The following PTPN21 variants were observed in gnomAD, a reference collection of about 807,000 sequenced individuals.
The protein encoded by PTPN21 is protein tyrosine phosphatase non-receptor type 21, also known as tyrosine-protein phosphatase non-receptor type 21.
Under a neutral mutation model 131.8 loss-of-function variants are expected in PTPN21, and 77 were observed. That is an observed-to-expected ratio of 0.58 (90% confidence interval 0.49 to 0.71). The LOEUF (loss-of-function observed/expected upper bound fraction) is 0.71. Ranked by LOEUF, PTPN21 falls within the 30% of genes least tolerant of loss-of-function variation. The pLI is 0.00. For synonymous variants in PTPN21, 715 were observed against 621.3 expected (o/e 1.15, Z -2.24); for missense variants, 1,552 against 1,527.1 (o/e 1.02, Z -0.27).
At chr14:88,486,805 A>G (rs952656368) in intron 10 of PTPN21, among the ~76,000 whole-genome samples, 2 of 151,954 alleles carry the variant, frequency 1.3e-5, no homozygotes, top group Admixed American at 6.6e-5. Flanking sequence ...GTGAAACCTC[A>G]TCTCTACTGA....
In PTPN21 at chr14:88,525,448, C is replaced by CACATGAAAAGATGCTT. The variant is rs1295804464; in HGVS notation, c.181-8203_181-8188dup. Reference sequence around the variant, plus strand: ...AAAAAAGATATGAATGGCTAACAAGCACATGAAAAGATGCTTAACATTGTT... The same window carrying CACATGAAAAGATGCTT: ...AAAAAAGATATGAATGGCTAACAAGCACATGAAAAGATGCTTACATGAAAAGATGCTTAACATTGTT... On this transcript the variant is annotated intron_variant, in intron 2 of 18. Transcript: ENST00000556564. Among the ~76,000 whole-genome samples, 5 of 152,182 alleles carry CACATGAAAAGATGCTT rather than the reference C, an allele frequency of 3.3e-5. No homozygotes were observed. In the East Asian group the frequency reaches 9.7e-4, roughly 29 times the overall value.
intron 14 of PTPN21, among the ~76,000 whole-genome samples, chr14:88,473,195 C>T (rs1379797071): frequency 1.3e-5 from 2 of 152,024 alleles, no homozygotes; most frequent in Non-Finnish European, 2.9e-5. Context: ...TCCAGGATCC[C>T]GTTGTAAAGC....
At chr14:88,483,820 G>A (rs1414577242) in intron 12 of PTPN21, among the ~76,000 whole-genome samples, 2 of 152,134 alleles carry the variant, frequency 1.3e-5, no homozygotes, top group Non-Finnish European at 2.9e-5. Flanking sequence ...TGCACATGCT[G>A]TCTCAGAAAA....
intron 18 of PTPN21, 130 bp from the exon 19 acceptor site, chr14:88,468,395 T>C (rs751042958): frequency 2.8e-5 from 25 of 889,150 alleles, no homozygotes; most frequent in Non-Finnish European, 3.6e-5. Context: ...TAGCGTCTTC[T>C]AGAAATAAGC....
intron 2 of PTPN21, among the ~76,000 whole-genome samples, chr14:88,538,154 T>C (rs1409608305): frequency 2.6e-5 from 4 of 152,216 alleles, no homozygotes; most frequent in Non-Finnish European, 1.5e-5. Context: ...AAAGGTTGTT[T>C]AGTTTACGAC....
chr14:88,503,738 TA>T (rs138178068), intron 6 of PTPN21: 54,891 of 151,980 alleles, frequency 0.36, 10,809 homozygotes, highest in African/African-American at 0.53. Flanking sequence ...CATCTCGACT[TA>T]AAGAGTATTT....
intron 6 of PTPN21, 30 bp from the exon 7 acceptor site, chr14:88,501,398 C>T (rs2078005450): frequency 6.4e-7 from 1 of 1,564,924 alleles, no homozygotes; most frequent in Admixed American, 1.7e-5. Context: ...AGATTGTTCA[C>T]AAAGCAAGCT....
chr14:88,482,635 AAAG>A (rs1165254053), intron 12 of PTPN21, among the ~76,000 whole-genome samples: 2 of 151,120 alleles, frequency 1.3e-5, no homozygotes, highest in African/African-American at 4.9e-5. Context: ...AAAGAAAAGA[AAAG>A]AAATGTTAAA....
At position 88,479,091 on chromosome 14, in the gene PTPN21, G is replaced by A. The variant is rs774501719; in HGVS notation, c.2340C>T (p.Thr780=). Residue 780 remains threonine (T), a synonymous_variant, in exon 13 of 19, where the codon ACC becomes ACT. Transcript: ENST00000556564. ...CTCTCCAGGGCCGCTGGGCCTCTGC[G>A]GTCGTGCGGACGGGGCTGCTGTCCA... ...RMMDSSPVRT[T]AEAQRPWRDG... 6.3e-6 allele frequency: 10 copies of A among 1,585,410 alleles called. No homozygotes were observed. Among genetic ancestry groups the A allele is most frequent in the Admixed American group, 5.4e-5 (3 of 55,572 alleles).
At chr14:88,491,383 G>A (rs1038969737) in intron 10 of PTPN21, among the ~76,000 whole-genome samples, 1 of 152,126 alleles carries the variant, frequency 6.6e-6, no homozygotes. Context: ...TGTGCAAGTC[G>A]AGTCTATCTC....
intron 4 of PTPN21, among the ~76,000 whole-genome samples, chr14:88,507,636 A>G (rs925524279): frequency 2.6e-5 from 4 of 152,164 alleles, no homozygotes; most frequent in African/African-American, 9.7e-5. Context: ...TCGGCATATG[A>G]TTGTACATAT....
chr14:88,472,196 T>G, intron 15 of PTPN21, 48 bp downstream of exon 15: 1 of 1,031,894 alleles, frequency 9.7e-7, no homozygotes, highest in Non-Finnish European at 1.5e-6. Flanking sequence ...TTCTTGTAAC[T>G]TAACTGAAAC....
chr14:88,479,752 G>A lies in PTPN21; in HGVS notation c.1679C>T (p.Thr560Met), dbSNP rs569738035. 4.5e-6 allele frequency: 7 copies of A among 1,543,092 alleles called. No homozygotes were observed. Among genetic ancestry groups the A allele is most frequent in the African/African-American group, 1.4e-5 (1 of 73,694 alleles). Residue 560 changes from threonine to methionine, a missense_variant, in exon 13 of 19, where the codon ACG (threonine) becomes ATG (methionine). Physicochemically the swap from Thr to Met is moderately conservative, Grantham distance 81. Around this residue, in one of 4 missense-constraint regions of PTPN21, gnomAD observed 1,016 missense variants for 883.5 expected, o/e 1.15. Transcript: ENST00000556564. ...QDYPSPNIMR[T>M]QVYRPPPPYP... is the part of the protein sequence containing the mutation. Reference sequence around the variant, plus strand: ...GGGTGGGGGTGGCCGGTACACCTGCGTCCGCATGATGTTGGGAGACGGGTA... The same window carrying A: ...GGGTGGGGGTGGCCGGTACACCTGCATCCGCATGATGTTGGGAGACGGGTA...
chr14:88,487,292 G>C (rs1299637192), intron 10 of PTPN21, among the ~76,000 whole-genome samples: 91 of 152,016 alleles, frequency 6.0e-4, no homozygotes, highest in Non-Finnish European at 1.0e-4. Flanking sequence ...CCTATTCCTG[G>C]TTCATGTACT....
At position 88,479,779 on chromosome 14, in the gene PTPN21, T is replaced by C. The variant is rs1019334094; in HGVS notation, c.1652A>G (p.Asp551Gly). The C allele has an allele frequency of 6.5e-7, 1 of 1,546,112 alleles. No individual in the cohort carries two copies. Among genetic ancestry groups the C allele is most frequent in the Non-Finnish European group, 8.7e-7 (1 of 1,153,106 alleles). ...CCGCATGATGTTGGGAGACGGGTAG[T>C]CCTGCGCCTGCAGCTGCGCATTGGT... is the stretch of plus-strand genomic sequence containing the variant. ...ELTNAQLQAQ[D>G]YPSPNIMRTQ... Residue 551 changes from aspartate to glycine, a missense_variant, in exon 13 of 19, where the codon GAC becomes GGC. Asp to Gly is a moderately conservative substitution (Grantham distance 94, BLOSUM62 -1). Around this residue, in one of 4 missense-constraint regions of PTPN21, gnomAD observed 1,016 missense variants for 883.5 expected, o/e 1.15. Coordinates refer to ENST00000556564, the MANE Select transcript of PTPN21 (RefSeq NM_007039.4).
chr14:88,493,216 T>C lies in PTPN21; in HGVS notation c.932+3197A>G, dbSNP rs2077851501. The C allele has an allele frequency of 2.0e-5, 7 of 357,642 alleles. No homozygotes were observed. The East Asian group carries it at 5.5e-4, about 28-fold the overall frequency. 22.2% of individuals were successfully genotyped at this position (357,642 alleles called of 1,614,324 possible). A position where few individuals can be genotyped will look rare whatever the true frequency, so the allele number is the denominator to read the frequency against. ...TATAATGCTTGACACAGAGCAAGCA[T>C]TTACTAAATTATTGTTATGAATTAT... is the stretch of plus-strand genomic sequence containing the variant. On this transcript the variant is annotated intron_variant, in intron 10 of 18. Coordinates refer to ENST00000556564, the MANE Select transcript of PTPN21 (RefSeq NM_007039.4).
rs1166651209 is a variant in PTPN21, at chr14:88,472,399, T to C, written c.2716A>G (p.Lys906Glu). The C allele has an allele frequency of 3.7e-6, 6 of 1,614,154 alleles. No individual in the cohort carries two copies. Among genetic ancestry groups the C allele is most frequent in the Non-Finnish European group, 4.2e-6 (5 of 1,179,972 alleles). The change falls in exon 15 of 19, where the codon AAA (lysine) becomes GAA (glutamate). Residue 906 changes from lysine (K) to glutamate (E), a missense_variant. Coordinates refer to ENST00000556564, the MANE Select transcript of PTPN21 (RefSeq NM_007039.4). ...GAGCACTCCCCATCAACTAGCCGTT[T>C]CTTAAGAATTCTTTCATATTCTGTG... ...VFTEYERILK[K>E]RLVDGECSTA...
At chr14:88,535,804 C>G (rs1433371094) in intron 2 of PTPN21, among the ~76,000 whole-genome samples, 1 of 152,178 alleles carries the variant, frequency 6.6e-6, no homozygotes, top group African/African-American at 2.4e-5. Context: ...GGCCCATGTG[C>G]CTGAAATTTT....
At chr14:88,477,606 C>G (rs1238795270) in intron 13 of PTPN21, among the ~76,000 whole-genome samples, 1 of 152,068 alleles carries the variant, frequency 6.6e-6, no homozygotes, top group African/African-American at 2.4e-5. Context: ...GGATGTCATA[C>G]ACTAGGCCAG....
Sources: gnomAD v4.1 joint callset for allele counts (sites outside exome capture counted in the v4.1 genomes callset) on GRCh38, gnomAD v4.1.1 for gene constraint, gnomAD v4.1.1 regional missense constraint, MANE v1.5 for transcripts, NCBI Gene and HGNC (gene_info 2026-07-23, HGNC 2026-07-21) for gene names.